Variants in MICU1 observed in about 807,000 individuals in gnomAD.
MICU1 encodes mitochondrial calcium uptake 1, also known as calcium uptake protein 1, mitochondrial.
Under a neutral mutation model 56.8 loss-of-function variants are expected in MICU1, and 45 were observed. The ratio of observed to expected loss-of-function variants is 0.79; its 90% confidence interval spans 0.62 to 1.02. The LOEUF is 1.02. Ranked by LOEUF, MICU1 falls within the 50% of genes least tolerant of loss-of-function variation. The pLI is 0.00. For missense variants in MICU1, 504 were observed against 587.1 expected, an observed-to-expected ratio of 0.86 and a Z score of 1.46; for synonymous variants, 186 against 195.1, an observed-to-expected ratio of 0.95 and a Z score of 0.39.
intron 4 of MICU1, among the ~76,000 whole-genome samples, chr10:72,548,632 T>C (rs1234317648): frequency 6.6e-6 from 1 of 152,208 alleles, no homozygotes; most frequent in African/African-American, 2.4e-5. Flanking sequence ...GATGTAAACA[T>C]ATGGGTTGAT....
chr10:72,429,004 G>A (rs1025386242), intron 8 of MICU1, among the ~76,000 whole-genome samples: 19 of 152,186 alleles, frequency 1.2e-4, no homozygotes, highest in African/African-American at 2.7e-4. Context: ...TACCCGTTCC[G>A]AGGGTTCAAA....
chr10:72,394,878 CT>C (rs963808074), intron 10 of MICU1, among the ~76,000 whole-genome samples: 1 of 151,648 alleles, frequency 6.6e-6, no homozygotes, highest in African/African-American at 2.4e-5. Flanking sequence ...AATTTTTTTT[CT>C]TTTAGAAACC....
chr10:72,437,835 C>T (rs1287995483), intron 8 of MICU1, among the ~76,000 whole-genome samples: 1 of 152,150 alleles, frequency 6.6e-6, no homozygotes, highest in Non-Finnish European at 1.5e-5. Flanking sequence ...ATCAATTCAA[C>T]AAGAAGAGCT....
chr10:72,373,057 G>T (rs564066001), intron 11 of MICU1, among the ~76,000 whole-genome samples: 1 of 152,232 alleles, frequency 6.6e-6, no homozygotes, highest in South Asian at 2.1e-4. Flanking sequence ...CTGTGAACCA[G>T]GTCTATAACT....
chr10:72,463,150 G>A (rs1002209404), intron 8 of MICU1, among the ~76,000 whole-genome samples: 36 of 151,532 alleles, frequency 2.4e-4, no homozygotes, highest in Admixed American at 1.1e-3. Flanking sequence ...TGCAACCTCC[G>A]CCTTCCGGGT....
chr10:72,608,723 G>A (rs1222970328), intron 1 of MICU1, among the ~76,000 whole-genome samples: 2 of 152,160 alleles, frequency 1.3e-5, no homozygotes, highest in East Asian at 1.9e-4. Flanking sequence ...TTTTAAGATC[G>A]GCCTAAATGT....
intron 1 of MICU1, among the ~76,000 whole-genome samples, chr10:72,623,075 C>A (rs1842141330): frequency 6.6e-6 from 1 of 151,674 alleles, no homozygotes; most frequent in South Asian, 2.1e-4. Flanking sequence ...TCGAGACCAG[C>A]CTGGCCAACA....
intron 11 of MICU1, 59 bp downstream of exon 11, chr10:72,375,724 A>C: frequency 6.7e-7 from 1 of 1,501,662 alleles, no homozygotes; most frequent in Non-Finnish European, 9.1e-7. Flanking sequence ...CATTATACAC[A>C]AGGGCCTCTA....
intron 1 of MICU1, among the ~76,000 whole-genome samples, chr10:72,595,176 C>T (rs369535041): frequency 2.0e-5 from 3 of 151,516 alleles, no homozygotes; most frequent in African/African-American, 4.8e-5. Flanking sequence ...TCAGGCTGGG[C>T]GCGGTGGCTC....
rs1200135671 is a variant in MICU1, at chr10:72,367,698, G to C, written c.*497C>G. On this transcript the variant is annotated 3_prime_UTR_variant, in exon 12 of 12. Coordinates refer to ENST00000361114, the MANE Select transcript of MICU1 (RefSeq NM_001195518.2). ...CCTGGGGCGCAGGCTTCTCACACTAGCGTAGGGTGCCTAGGTCATCCTCAT... is the reference window on the plus strand; with the variant it reads ...CCTGGGGCGCAGGCTTCTCACACTACCGTAGGGTGCCTAGGTCATCCTCAT... The C allele has an allele frequency of 1.3e-5, 2 of 155,848 alleles. No individual in the cohort carries two copies. Among genetic ancestry groups the C allele is most frequent in the Admixed American group, 1.2e-4 (2 of 16,104 alleles). The allele number at this position is 155,848 out of a possible 1,614,324, so 9.7% of individuals were successfully genotyped here.
intron 2 of MICU1, among the ~76,000 whole-genome samples, chr10:72,566,006 C>T (rs1200350917): frequency 1.3e-5 from 2 of 150,100 alleles, no homozygotes; most frequent in East Asian, 1.9e-4. Flanking sequence ...CACAGGGTCA[C>T]CAAATTGTGA....
chr10:72,521,673 CATT>C (rs1867826420), intron 5 of MICU1, among the ~76,000 whole-genome samples: 1 of 152,044 alleles, frequency 6.6e-6, no homozygotes, highest in African/African-American at 2.4e-5. Flanking sequence ...TGTCATGAAT[CATT>C]ATATGTTACA....
chr10:72,401,411 T>C (rs1197097982), intron 10 of MICU1, among the ~76,000 whole-genome samples: 1 of 152,186 alleles, frequency 6.6e-6, no homozygotes, highest in Non-Finnish European at 1.5e-5. Flanking sequence ...CCTAGCACTT[T>C]GGGAGGCTGA....
chr10:72,596,887 A>AC (rs1343732362), intron 1 of MICU1, among the ~76,000 whole-genome samples: 2 of 151,652 alleles, frequency 1.3e-5, no homozygotes, highest in Non-Finnish European at 2.9e-5. Flanking sequence ...AAAAAAAAAA[A>AC]CCAACATGAA....
intron 8 of MICU1, among the ~76,000 whole-genome samples, chr10:72,469,064 C>T (rs888331992): frequency 2.0e-4 from 31 of 152,120 alleles, no homozygotes; most frequent in African/African-American, 7.2e-4. Context: ...ACATCCAGAA[C>T]ATGGGTAAAA....
intron 8 of MICU1, among the ~76,000 whole-genome samples, chr10:72,448,201 T>A (rs1341343030): frequency 2.8e-4 from 34 of 122,480 alleles, no homozygotes; most frequent in African/African-American, 6.7e-4. Context: ...ATATTTTTTT[T>A]TTTTTTTTTT....
chr10:72,415,044 CTCACTCTG>C (rs973827859), intron 9 of MICU1, among the ~76,000 whole-genome samples: 1 of 133,330 alleles, frequency 7.5e-6, no homozygotes, highest in African/African-American at 2.8e-5. Context: ...GAGACAGAGT[CTCACTCTG>C]TTGCTTAGGC....
At chr10:72,456,932 C>T (rs1865484630) in intron 8 of MICU1, among the ~76,000 whole-genome samples, 1 of 136,490 alleles carries the variant, frequency 7.3e-6, no homozygotes, top group Admixed American at 7.3e-5. Context: ...AACGAGATCT[C>T]ACTATATTGC....
Position 72,414,408 on chromosome 10 carries a change from T to C in MICU1, c.1072-6371A>G, listed in dbSNP as rs1863918307. The stretch of plus-strand genomic sequence containing the variant: ...TAATATAAGCATCTACATAAAAATA[T>C]TGTGCTAAGTAAAAGAAGCCAGACA... On this transcript the variant is annotated intron_variant, in intron 9 of 11. Coordinates refer to ENST00000361114, the MANE Select transcript of MICU1 (RefSeq NM_001195518.2). Among the ~76,000 whole-genome samples, 3 of 152,030 alleles carry C rather than the reference T, an allele frequency of 2.0e-5. No individual in the cohort carries two copies. In the South Asian group the frequency reaches 6.2e-4, roughly 32 times the overall value.
Sources: gnomAD v4.1 joint callset for allele counts (sites outside exome capture counted in the v4.1 genomes callset) on GRCh38, gnomAD v4.1.1 for gene constraint, MANE v1.5 for transcripts, NCBI Gene and HGNC (gene_info 2026-07-23, HGNC 2026-07-21) for gene names.